The following ZFPM2 variants were observed in gnomAD, a reference collection of about 807,000 sequenced individuals.
ZFPM2 encodes the protein zinc finger protein, FOG family member 2.
Under a neutral mutation model 98.6 loss-of-function variants are expected in ZFPM2, and 20 were observed. That is an observed-to-expected ratio of 0.20 (90% CI 0.14 to 0.29). The LOEUF (loss-of-function observed/expected upper bound fraction) is 0.29, where lower values mean the gene tolerates loss of function less well. Ranked by LOEUF, ZFPM2 falls within the 10% of genes least tolerant of loss-of-function variation. The pLI, the probability that ZFPM2 is intolerant of heterozygous loss-of-function variation, is 1.00. For missense variants in ZFPM2, 1,310 were observed against 1,388.6 expected, an observed-to-expected ratio of 0.94 and a Z score of 0.90; for synonymous variants, 518 against 502.7, an observed-to-expected ratio of 1.03 and a Z score of -0.41.
chr8:105,506,962 T>A (rs1212632276), intron 3 of ZFPM2, among the ~76,000 whole-genome samples: 3 of 133,514 alleles, frequency 2.2e-5, no homozygotes, highest in African/African-American at 8.7e-5. Context: ...CACTCCAGCC[T>A]GGGCCACAGA....
At chr8:105,454,524 T>G (rs901710277) in intron 3 of ZFPM2, among the ~76,000 whole-genome samples, 1 of 152,192 alleles carries the variant, frequency 6.6e-6, no homozygotes, top group Non-Finnish European at 1.5e-5. Context: ...TAACTTACAC[T>G]TGCAGTGATA....
intron 5 of ZFPM2, among the ~76,000 whole-genome samples, chr8:105,726,120 C>G (rs773337585): frequency 6.6e-6 from 1 of 151,772 alleles, no homozygotes; most frequent in Non-Finnish European, 1.5e-5. Flanking sequence ...GGCCTTTCAG[C>G]TGAGGAAATT....
intron 2 of ZFPM2, among the ~76,000 whole-genome samples, chr8:105,427,718 C>T (rs1474819250): frequency 2.0e-5 from 3 of 152,156 alleles, no homozygotes; most frequent in African/African-American, 7.2e-5. Context: ...AACTCAGCCA[C>T]TTTTTGTTGT....
chr8:105,673,671 A>G (rs1305781978), intron 5 of ZFPM2, among the ~76,000 whole-genome samples: 1 of 152,322 alleles, frequency 6.6e-6, no homozygotes, highest in African/African-American at 2.4e-5. Flanking sequence ...TTCAAGAAAA[A>G]TACGCTCATT....
chr8:105,472,556 G>T (rs1297811877), intron 3 of ZFPM2, among the ~76,000 whole-genome samples: 1 of 152,132 alleles, frequency 6.6e-6, no homozygotes, highest in African/African-American at 2.4e-5. Context: ...AGGCTGGAGT[G>T]CAGTGGCGTG....
At chr8:105,630,308 T>C (rs1193439218) in intron 4 of ZFPM2, among the ~76,000 whole-genome samples, 1 of 152,138 alleles carries the variant, frequency 6.6e-6, no homozygotes, top group Non-Finnish European at 1.5e-5. Context: ...TTTTCTGGAG[T>C]GTAGATTTCA....
chr8:105,723,355 T>G (rs1386053279), intron 5 of ZFPM2, among the ~76,000 whole-genome samples: 1 of 151,920 alleles, frequency 6.6e-6, no homozygotes, highest in African/African-American at 2.4e-5. Context: ...TTCGTGACGT[T>G]CTGTGGGAGT....
rs957137998 is a variant in ZFPM2 at position 105,524,470 on chromosome 8, ATG to A, written c.302-36879_302-36878del. 2.5e-4 allele frequency among the ~76,000 whole-genome samples: 37 copies of A among 150,564 alleles called. No individual in the cohort carries two copies. The East Asian group carries it at 3.1e-3, about 13-fold the overall frequency. The stretch of plus-strand genomic sequence containing the variant: ...CATTCTTGGGTGTGTGTGTGTGTGT[ATG>A]TGTGTGTGTGTGTTTCTCTCTCTCT... On this transcript the variant is annotated intron_variant, in intron 3 of 7. Coordinates refer to ENST00000407775, the MANE Select transcript of ZFPM2 (RefSeq NM_012082.4).
At position 105,803,579 on chromosome 8, in the gene ZFPM2, ATGT is replaced by A. The variant is rs1217025372; in HGVS notation, c.*46_*48del. 2 of 1,555,090 alleles carry A rather than the reference ATGT, an allele frequency of 1.3e-6. No individual in the cohort carries two copies. The highest frequency in any genetic ancestry group is 1.4e-5 in the African/African-American group (1 of 73,668). ...GTCACCTTTGGTATCAGTGTTTAGT[ATGT>A]TGTTCTAACCAGTCCAGAAAAAAAA... On this transcript the variant is annotated 3_prime_UTR_variant, in exon 8 of 8. Transcript: ENST00000407775.
chr8:105,548,742 A>AT (rs1814772136), intron 3 of ZFPM2, among the ~76,000 whole-genome samples: 1 of 151,838 alleles, frequency 6.6e-6, no homozygotes, highest in African/African-American at 2.4e-5. Flanking sequence ...GCCTTAGGAG[A>AT]TTTTTTTCCT....
intron 1 of ZFPM2, among the ~76,000 whole-genome samples, chr8:105,328,199 A>C (rs1279038549): frequency 4.0e-5 from 6 of 151,794 alleles, no homozygotes; most frequent in Non-Finnish European, 2.9e-5. Context: ...GCTGTTTTTA[A>C]ATGCTTTTCA....
chr8:105,800,967 T>G lies in ZFPM2; in HGVS notation c.965-80T>G, dbSNP rs1813981731. On this transcript the variant is annotated intron_variant, in intron 7 of 7. Coordinates refer to ENST00000407775, the MANE Select transcript of ZFPM2 (RefSeq NM_012082.4). Reference sequence around the variant, plus strand: ...TTCATTCCTATTGTGTTGCAAACATTAGGTCATTAGAAAAGGTCCCTGTCA... The same window carrying G: ...TTCATTCCTATTGTGTTGCAAACATGAGGTCATTAGAAAAGGTCCCTGTCA... The G allele has an allele frequency of 2.3e-6, 3 of 1,306,280 alleles. No individual in the cohort carries two copies. The African/African-American group carries it at 4.4e-5, about 19-fold the overall frequency. 80.9% of individuals were successfully genotyped at this position (1,306,280 alleles called of 1,614,324 possible).
intron 1 of ZFPM2, among the ~76,000 whole-genome samples, chr8:105,394,556 A>T (rs763795581): frequency 3.3e-5 from 5 of 152,204 alleles, no homozygotes; most frequent in Non-Finnish European, 7.3e-5. Flanking sequence ...CTGAGTAGGT[A>T]TAATGTATCA....
At chr8:105,792,247 A>G (rs1005273930) in intron 6 of ZFPM2, among the ~76,000 whole-genome samples, 2 of 152,144 alleles carry the variant, frequency 1.3e-5, no homozygotes, top group Non-Finnish European at 2.9e-5. Flanking sequence ...ATTTCCCTCT[A>G]CACACTGCTT....
At chr8:105,542,530 C>T (rs1167175016) in intron 3 of ZFPM2, among the ~76,000 whole-genome samples, 1 of 152,066 alleles carries the variant, frequency 6.6e-6, no homozygotes, top group Non-Finnish European at 1.5e-5. Context: ...ATACAGTTGG[C>T]CCCTCCCTAT....
intron 4 of ZFPM2, among the ~76,000 whole-genome samples, chr8:105,605,928 T>G (rs1455326542): frequency 6.6e-6 from 1 of 152,080 alleles, no homozygotes; most frequent in Non-Finnish European, 1.5e-5. Flanking sequence ...CCATCTGATG[T>G]TGCTCTGAAT....
intron 3 of ZFPM2, among the ~76,000 whole-genome samples, chr8:105,501,072 C>T (rs1176819652): frequency 4.6e-5 from 7 of 152,228 alleles, no homozygotes; most frequent in African/African-American, 1.7e-4. Flanking sequence ...GTCACTATAA[C>T]AGTTCCAATT....
intron 2 of ZFPM2, among the ~76,000 whole-genome samples, chr8:105,426,612 G>C (rs1438768914): frequency 6.6e-6 from 1 of 152,014 alleles, no homozygotes; most frequent in Non-Finnish European, 1.5e-5. Flanking sequence ...ATATAGCCAT[G>C]CAAAATGAGA....
chr8:105,694,340 C>A (rs1810967241), intron 5 of ZFPM2, among the ~76,000 whole-genome samples: 1 of 151,988 alleles, frequency 6.6e-6, no homozygotes. Context: ...ATAGAGTTTT[C>A]TGTTTTCTTG....
Sources: gnomAD v4.1 joint callset for allele counts (sites outside exome capture counted in the v4.1 genomes callset) on GRCh38, gnomAD v4.1.1 for gene constraint, MANE v1.5 for transcripts, NCBI Gene and HGNC (gene_info 2026-07-23, HGNC 2026-07-21) for gene names.